Variants in NBEA observed in about 807,000 individuals in gnomAD.
The protein encoded by NBEA is neurobeachin.
A neutral mutation model predicts 343.4 loss-of-function variants in NBEA; 44 were observed. The observed-to-expected ratio is 0.13, with a 90% CI of 0.10 to 0.16. The LOEUF (loss-of-function observed/expected upper bound fraction) is 0.16, where lower values mean the gene tolerates loss of function less well. NBEA is among the 10% of genes least tolerant of loss of function. The pLI is 1.00. For synonymous variants in NBEA, 1,175 were observed against 1,238.7 expected (o/e 0.95, Z 1.08); for missense variants, 2,555 against 3,631.3 (o/e 0.70, Z 7.62).
chr13:35,553,150 C>A (rs1047555518), intron 43 of NBEA, among the ~76,000 whole-genome samples: 1 of 152,034 alleles, frequency 6.6e-6, no homozygotes, highest in African/African-American at 2.4e-5. Context: ...CTTAAGCCTC[C>A]CGAAGTGCTG....
At chr13:35,355,732 C>T (rs1396914040) in intron 38 of NBEA, among the ~76,000 whole-genome samples, 1 of 151,982 alleles carries the variant, frequency 6.6e-6, no homozygotes. Context: ...TCTTGCAGGT[C>T]ATGTTTGCTC....
rs755856818 is a variant in NBEA, at chr13:35,645,850, CT to C, written c.7618-11del. The C allele has an allele frequency of 6.0e-5, 90 of 1,500,372 alleles. No individual in the cohort carries two copies. In the Middle Eastern group the frequency reaches 6.2e-4, roughly 10 times the overall value. The allele number at this position is 1,500,372 out of a possible 1,614,324, so 92.9% of individuals were successfully genotyped here. A position where few individuals can be genotyped will look rare whatever the true frequency, so the allele number is the denominator to read the frequency against. ...TAATTGGTAGACTTCATGTCTCATT[CT>C]TTTTTTTCCCCATTAAGATTCCAGA... is the stretch of plus-strand genomic sequence containing the variant. On this transcript the variant is annotated intron_variant, in intron 49 of 58. Transcript: ENST00000379939.
intron 51 of NBEA, among the ~76,000 whole-genome samples, chr13:35,646,838 G>A (rs2084261118): frequency 6.6e-6 from 1 of 152,156 alleles, no homozygotes; most frequent in South Asian, 2.1e-4. Context: ...CCCAGAGCCG[G>A]ACAGGGCAAA....
At chr13:35,644,514 G>T (rs1266312429) in intron 49 of NBEA, among the ~76,000 whole-genome samples, 1 of 152,178 alleles carries the variant, frequency 6.6e-6, no homozygotes, top group East Asian at 1.9e-4. Flanking sequence ...CCTACTAAGT[G>T]CAAGACACTG....
intron 34 of NBEA, among the ~76,000 whole-genome samples, chr13:35,281,743 CA>C (rs1337440552): frequency 6.6e-6 from 1 of 151,958 alleles, no homozygotes; most frequent in South Asian, 2.1e-4. Flanking sequence ...GTATACAATA[CA>C]AAAGCTACCT....
At chr13:35,393,436 TAA>T (rs945269601) in intron 38 of NBEA, among the ~76,000 whole-genome samples, 8 of 152,144 alleles carry the variant, frequency 5.3e-5, no homozygotes, top group African/African-American at 1.9e-4. Context: ...GCCAAACATT[TAA>T]ATTAATATCC....
At chr13:35,201,880 C>T (rs1486303430) in intron 31 of NBEA, among the ~76,000 whole-genome samples, 2 of 152,014 alleles carry the variant, frequency 1.3e-5, no homozygotes, top group Non-Finnish European at 2.9e-5. Context: ...CTGTTACCTC[C>T]TAACTGCCCT....
intron 39 of NBEA, among the ~76,000 whole-genome samples, chr13:35,440,018 T>A (rs2045649353): frequency 6.6e-6 from 1 of 152,320 alleles, no homozygotes; most frequent in South Asian, 2.1e-4. Flanking sequence ...TAGCTGAGAT[T>A]ACAGGCATGC....
chr13:35,515,135 A>C (rs2077433822), intron 41 of NBEA, among the ~76,000 whole-genome samples: 1 of 152,226 alleles, frequency 6.6e-6, no homozygotes, highest in African/African-American at 2.4e-5. Context: ...ACATATTATT[A>C]AGCAATTTCA....
At chr13:35,603,248 C>T (rs889268667) in intron 47 of NBEA, among the ~76,000 whole-genome samples, 12 of 152,232 alleles carry the variant, frequency 7.9e-5, no homozygotes, top group African/African-American at 2.4e-4. Flanking sequence ...TCTTTAATAG[C>T]TTAATATTTA....
intron 11 of NBEA, among the ~76,000 whole-genome samples, chr13:35,100,294 G>A (rs1224121239): frequency 6.6e-6 from 1 of 151,918 alleles, no homozygotes; most frequent in East Asian, 1.9e-4. Flanking sequence ...TTTCTTTAAG[G>A]ATTAATGATT....
intron 33 of NBEA, among the ~76,000 whole-genome samples, chr13:35,223,226 T>G (rs1486199450): frequency 1.3e-5 from 2 of 152,044 alleles, no homozygotes; most frequent in African/African-American, 4.8e-5. Context: ...TTTTATAGAT[T>G]TATTTATCTT....
At chr13:35,456,221 C>A (rs1282225962) in intron 40 of NBEA, among the ~76,000 whole-genome samples, 3 of 151,920 alleles carry the variant, frequency 2.0e-5, no homozygotes, top group Non-Finnish European at 4.4e-5. Flanking sequence ...CCACAAAATT[C>A]TATAGCTTTA....
At chr13:35,267,939 C>T (rs560716381) in intron 34 of NBEA, among the ~76,000 whole-genome samples, 1 of 151,748 alleles carries the variant, frequency 6.6e-6, no homozygotes, top group Admixed American at 6.6e-5. Flanking sequence ...GATGTGCAAA[C>T]CAGTGTGGTC....
chr13:35,424,092 A>G (rs371409329), intron 38 of NBEA, among the ~76,000 whole-genome samples: 18 of 152,210 alleles, frequency 1.2e-4, no homozygotes, highest in African/African-American at 2.9e-4. Context: ...CATGTCATCT[A>G]CAAACAGGGA....
At chr13:35,128,361 T>A (rs967900978) in intron 17 of NBEA, among the ~76,000 whole-genome samples, 1 of 152,076 alleles carries the variant, frequency 6.6e-6, no homozygotes, top group South Asian at 2.1e-4. Context: ...GAAACATTCA[T>A]AAACTAGAAA....
chr13:35,299,992 A>G (rs986769192), intron 35 of NBEA, among the ~76,000 whole-genome samples: 3 of 152,156 alleles, frequency 2.0e-5, no homozygotes, highest in African/African-American at 7.2e-5. Context: ...CCCATTTTTT[A>G]ACTTTCAAGG....
In NBEA at chr13:35,196,408, T is replaced by C. The variant is rs965484059; in HGVS notation, c.5366+106T>C. The C allele has an allele frequency of 3.8e-6, 4 of 1,065,266 alleles. No individual in the cohort carries two copies. The African/African-American group carries it at 6.4e-5, about 17-fold the overall frequency. 66.0% of individuals were successfully genotyped at this position (1,065,266 alleles called of 1,614,324 possible). A position where few individuals can be genotyped will look rare whatever the true frequency, so the allele number is the denominator to read the frequency against. On this transcript the variant is annotated intron_variant, in intron 31 of 58. Coordinates refer to ENST00000379939, the MANE Select transcript of NBEA (RefSeq NM_001385012.1). ...ATCTTGAAAACTTTATTAACGTAGATTCTTATTACAAAGACAATCAAAATG... is the reference window on the plus strand; with the variant it reads ...ATCTTGAAAACTTTATTAACGTAGACTCTTATTACAAAGACAATCAAAATG...
At chr13:35,604,783 A>G (rs909569259) in intron 47 of NBEA, among the ~76,000 whole-genome samples, 7 of 151,864 alleles carry the variant, frequency 4.6e-5, no homozygotes, top group African/African-American at 1.7e-4. Context: ...GTTTCTCACC[A>G]TTCCATATAA....
Sources: allele counts gnomAD v4.1 joint callset (sites outside exome capture counted in the v4.1 genomes callset), GRCh38; gene constraint gnomAD v4.1.1; transcripts MANE v1.5; gene names NCBI Gene and HGNC (gene_info 2026-07-23, HGNC 2026-07-21).